MAPRE2: variants seen among roughly 807,000 people sequenced by gnomAD.
MAPRE2 encodes the protein microtubule-associated protein RP/EB family member 2.
Under a neutral mutation model 43.2 loss-of-function variants are expected in MAPRE2, and 13 were observed. The observed-to-expected ratio is 0.30, with a 90% CI of 0.20 to 0.48. MAPRE2 has a LOEUF of 0.48. Ranked by LOEUF, MAPRE2 falls within the 20% of genes least tolerant of loss-of-function variation. The pLI, the probability that MAPRE2 is intolerant of heterozygous loss-of-function variation, is 0.99. For missense variants in MAPRE2, 161 were observed against 400.2 expected, an observed-to-expected ratio of 0.40 and a Z score of 5.10; for synonymous variants, 135 against 148.8, an observed-to-expected ratio of 0.91 and a Z score of 0.68.
chr18:35,048,838 C>T (rs1202532850), intron 1 of MAPRE2, among the ~76,000 whole-genome samples: 1 of 151,034 alleles, frequency 6.6e-6, no homozygotes, highest in Non-Finnish European at 1.5e-5. Context: ...GATTATACTT[C>T]CTAAAGGCAT....
At chr18:35,048,583 A>T (rs574914497) in intron 1 of MAPRE2, among the ~76,000 whole-genome samples, 1 of 149,700 alleles carries the variant, frequency 6.7e-6, no homozygotes, top group African/African-American at 2.4e-5. Context: ...TATGTATTAT[A>T]TATGTGTGTA....
In MAPRE2 at chr18:35,023,361, A is replaced by C. The variant is rs1489393500; in HGVS notation, c.-8+17808A>C. Among the ~76,000 whole-genome samples, 7 of 151,798 alleles carry C rather than the reference A, an allele frequency of 4.6e-5. 1 individual carries two copies. The East Asian group carries it at 1.4e-3, about 29-fold the overall frequency. On this transcript the variant is annotated intron_variant, in intron 2 of 7. Transcript: ENST00000413393. ...CCCCGTCTCTACTAAAAATACAAAA[A>C]TTTAGCCAGGTGTGGTGGCAGGCGC...
At chr18:34,992,270 A>T (rs182912729) in intron 1 of MAPRE2, among the ~76,000 whole-genome samples, 306 of 152,368 alleles carry the variant, frequency 2.0e-3, no homozygotes, top group African/African-American at 6.9e-3. Flanking sequence ...ATTCAAAAGA[A>T]AACATGAAGT....
At chr18:35,129,377 T>C (rs1306020561) in intron 5 of MAPRE2, among the ~76,000 whole-genome samples, 1 of 152,284 alleles carries the variant, frequency 6.6e-6, no homozygotes, top group African/African-American at 2.4e-5. Flanking sequence ...GGGGAGACCC[T>C]GATGCTGAAG....
At chr18:34,995,816 G>C (rs1412104159) in intron 1 of MAPRE2, among the ~76,000 whole-genome samples, 1 of 152,162 alleles carries the variant, frequency 6.6e-6, no homozygotes, top group African/African-American at 2.4e-5. Flanking sequence ...ATGTTAATCT[G>C]TCACCATAGC....
intron 1 of MAPRE2, among the ~76,000 whole-genome samples, chr18:35,064,220 G>T (rs1324764521): frequency 6.6e-6 from 1 of 151,222 alleles, no homozygotes; most frequent in Non-Finnish European, 1.5e-5. Flanking sequence ...ATCAAAATAG[G>T]TTCCACATTA....
intron 1 of MAPRE2, among the ~76,000 whole-genome samples, chr18:34,982,697 C>T (rs1198663774): frequency 6.6e-6 from 1 of 152,104 alleles, no homozygotes; most frequent in Non-Finnish European, 1.5e-5. Flanking sequence ...TTCCAATAAA[C>T]CTAATCTAGT....
chr18:35,143,152 CTTCCCTGGTGAGTATTTCCAT>C lies in MAPRE2; in HGVS notation c.*2785_*2805del, dbSNP rs1284181020. 2 of 151,748 alleles carry C rather than the reference CTTCCCTGGTGAGTATTTCCAT, an allele frequency of 1.3e-5. No individual in the cohort carries two copies. The highest frequency in any genetic ancestry group is 4.8e-5 in the African/African-American group (2 of 41,318). The allele number at this position is 151,748 out of a possible 1,614,324, so 9.4% of individuals were successfully genotyped here. ...CCAGAAGGGAACCAAGAACTCTTCCCTTCCCTGGTGAGTATTTCCATTATTCCGTTAAGGTTTAATATGCAT... is the reference window on the plus strand; with the variant it reads ...CCAGAAGGGAACCAAGAACTCTTCCCTATTCCGTTAAGGTTTAATATGCAT... On this transcript the variant is annotated 3_prime_UTR_variant, in exon 7 of 7. Coordinates refer to ENST00000300249, the MANE Select transcript of MAPRE2 (RefSeq NM_014268.4).
chr18:34,978,734 C>T (rs1342294134), intron 1 of MAPRE2, among the ~76,000 whole-genome samples: 1 of 152,108 alleles, frequency 6.6e-6, no homozygotes, highest in Non-Finnish European at 1.5e-5. Context: ...GATAAGAGGT[C>T]CGGGAGCTCA....
intron 1 of MAPRE2, among the ~76,000 whole-genome samples, chr18:35,004,835 G>A (rs1211998629): frequency 1.3e-5 from 2 of 151,534 alleles, no homozygotes; most frequent in Non-Finnish European, 2.9e-5. Flanking sequence ...GGAGAATGGC[G>A]TGAGCCCAGG....
intron 1 of MAPRE2, among the ~76,000 whole-genome samples, chr18:35,054,190 G>C (rs1186351733): frequency 1.3e-5 from 2 of 152,098 alleles, no homozygotes; most frequent in Non-Finnish European, 2.9e-5. Flanking sequence ...GTAAAATTTA[G>C]AGACTGGGAA....
chr18:35,135,164 T>A (rs1192452343), intron 6 of MAPRE2, among the ~76,000 whole-genome samples: 1 of 152,254 alleles, frequency 6.6e-6, no homozygotes, highest in Non-Finnish European at 1.5e-5. Context: ...AAGAGACACA[T>A]CAGGCTATAC....
chr18:35,096,732 T>C (rs1318803892), intron 2 of MAPRE2, among the ~76,000 whole-genome samples: 1 of 151,970 alleles, frequency 6.6e-6, no homozygotes, highest in Non-Finnish European at 1.5e-5. Flanking sequence ...ATTTAATACT[T>C]AATAATTAAT....
At chr18:35,077,247 G>GCACA (rs774733086) in intron 2 of MAPRE2, among the ~76,000 whole-genome samples, 18 of 116,920 alleles carry the variant, frequency 1.5e-4, no homozygotes, top group East Asian at 3.4e-4. Context: ...GCGTGCGCGC[G>GCACA]CGCACACACA....
chr18:35,000,018 C>T (rs957838611), intron 1 of MAPRE2, among the ~76,000 whole-genome samples: 2 of 151,942 alleles, frequency 1.3e-5, no homozygotes, highest in Non-Finnish European at 2.9e-5. Flanking sequence ...GGATTAATGG[C>T]CTGTGACCTT....
At chr18:35,117,431 G>A (rs1031988415) in intron 4 of MAPRE2, among the ~76,000 whole-genome samples, 1 of 152,204 alleles carries the variant, frequency 6.6e-6, no homozygotes, top group African/African-American at 2.4e-5. Context: ...GGTTCTGACT[G>A]GAGTCTAAAG....
At chr18:35,088,858 A>G (rs1908003338) in intron 2 of MAPRE2, among the ~76,000 whole-genome samples, 1 of 152,228 alleles carries the variant, frequency 6.6e-6, no homozygotes, top group Non-Finnish European at 1.5e-5. Context: ...GAAGCTTTTG[A>G]TGACCTTGAC....
chr18:35,135,502 C>T (rs1014438875), intron 6 of MAPRE2, among the ~76,000 whole-genome samples: 13 of 152,206 alleles, frequency 8.5e-5, no homozygotes, highest in African/African-American at 3.1e-4. Flanking sequence ...TGGAACCACC[C>T]AGAAGCACAT....
At chr18:35,129,055 G>C (rs887567721) in intron 5 of MAPRE2, among the ~76,000 whole-genome samples, 18 of 152,136 alleles carry the variant, frequency 1.2e-4, no homozygotes, top group African/African-American at 4.3e-4. Context: ...AGAGGAATAG[G>C]CCAGTGCCGC....
Sources: gnomAD v4.1 joint callset for allele counts (sites outside exome capture counted in the v4.1 genomes callset) on GRCh38, gnomAD v4.1.1 for gene constraint, MANE v1.5 for transcripts, NCBI Gene and HGNC (gene_info 2026-07-23, HGNC 2026-07-21) for gene names.